Variants in NRXN3 observed in about 807,000 individuals in gnomAD.
NRXN3 encodes neurexin 3, also known as neurexin III.
In NRXN3, 32 loss-of-function variants were observed where a neutral mutation model predicts 137.6. That is an observed-to-expected ratio of 0.23 (90% CI 0.18 to 0.31). The LOEUF is 0.31. Ranked by LOEUF, NRXN3 falls within the 10% of genes least tolerant of loss-of-function variation. The pLI is 1.00. For synonymous variants in NRXN3, 798 were observed against 784.5 expected (o/e 1.02, Z -0.29); for missense variants, 1,574 against 2,062.5 (o/e 0.76, Z 4.59).
intron 5 of NRXN3, among the ~76,000 whole-genome samples, 179 bp downstream of exon 5, chr14:78,645,600 C>T (rs557083278): frequency 6.6e-6 from 1 of 151,574 alleles, no homozygotes; most frequent in South Asian, 2.1e-4. Flanking sequence ...AAATATGTTT[C>T]TCCACATACT....
chr14:78,947,540 A>G (rs557129393), intron 10 of NRXN3, among the ~76,000 whole-genome samples: 1 of 152,354 alleles, frequency 6.6e-6, no homozygotes, highest in East Asian at 1.9e-4. Context: ...ACTTGAATAG[A>G]CTTACGCTAT....
chr14:78,861,710 T>G (rs766081452), intron 10 of NRXN3, among the ~76,000 whole-genome samples: 14 of 152,164 alleles, frequency 9.2e-5, no homozygotes, highest in Non-Finnish European at 1.8e-4. Context: ...GAGTCTGTGA[T>G]GTATGTTTAG....
Position 79,704,355 on chromosome 14 carries a change from C to T in NRXN3, c.4014+6418C>T, listed in dbSNP as rs75045220. The stretch of plus-strand genomic sequence containing the variant: ...TGCACTGGGAGACAAGATAGATCCA[C>T]CTTATCCCCAAATACTGTGCTATAG... On this transcript the variant is annotated intron_variant, in intron 19 of 20. Coordinates refer to ENST00000335750, the MANE Select transcript of NRXN3 (RefSeq NM_001330195.2). 0.011 allele frequency among the ~76,000 whole-genome samples: 1,631 copies of T among 152,228 alleles called. 127 individuals carry two copies. In the East Asian group the frequency reaches 0.21, roughly 19 times the overall value.
intron 16 of NRXN3, among the ~76,000 whole-genome samples, chr14:79,561,229 T>A (rs2097493346): frequency 6.6e-6 from 1 of 152,138 alleles, no homozygotes. Context: ...CAACTCATAA[T>A]GCTATTCAAT....
At chr14:79,052,088 T>C (rs1404021425) in intron 15 of NRXN3, among the ~76,000 whole-genome samples, 1 of 152,216 alleles carries the variant, frequency 6.6e-6, no homozygotes, top group Non-Finnish European at 1.5e-5. Flanking sequence ...ATTTTGTTTT[T>C]GAGGAACATC....
intron 4 of NRXN3, among the ~76,000 whole-genome samples, chr14:78,595,360 A>T (rs1226109255): frequency 6.6e-6 from 1 of 152,196 alleles, no homozygotes; most frequent in Non-Finnish European, 1.5e-5. Flanking sequence ...CTCAGAGAGA[A>T]GCAGAGCTTG....
chr14:78,493,132 G>T, intron 4 of NRXN3, among the ~76,000 whole-genome samples: 1 of 152,106 alleles, frequency 6.6e-6, no homozygotes, highest in East Asian at 1.9e-4. Context: ...AGTTGCCAAC[G>T]TTCTTCTGGG....
At position 78,959,150 on chromosome 14, in the gene NRXN3, GGT is replaced by G. The variant is rs3838665; in HGVS notation, c.2395+1800_2395+1801del. 1.2e-4 allele frequency among the ~76,000 whole-genome samples: 19 copies of G among 152,168 alleles called. No individual in the cohort carries two copies. In the East Asian group the frequency reaches 3.7e-3, roughly 29 times the overall value. ...AGTAAGATATGTACGTGCATGTACA[GGT>G]GTGTGTGTGTAGAGAAGGATAGCCT... On this transcript the variant is annotated intron_variant, in intron 11 of 20. Transcript: ENST00000335750.
At chr14:79,396,447 A>G (rs2095029672) in intron 15 of NRXN3, among the ~76,000 whole-genome samples, 1 of 152,144 alleles carries the variant, frequency 6.6e-6, no homozygotes, top group African/African-American at 2.4e-5. Flanking sequence ...GAGCTTTTTA[A>G]AAACCTGAGT....
At chr14:79,650,810 A>T (rs901443495) in intron 16 of NRXN3, among the ~76,000 whole-genome samples, 8 of 152,166 alleles carry the variant, frequency 5.3e-5, no homozygotes, top group Non-Finnish European at 1.0e-4. Context: ...TACATGTTAA[A>T]ATTCTGAATT....
chr14:78,209,306 G>T (rs2062511411), intron 1 of NRXN3, among the ~76,000 whole-genome samples: 1 of 152,166 alleles, frequency 6.6e-6, no homozygotes, highest in Non-Finnish European at 1.5e-5. Context: ...AGGGCAGCCA[G>T]GGGTGGAGGA....
At chr14:78,943,245 A>G (rs920297400) in intron 10 of NRXN3, among the ~76,000 whole-genome samples, 8 of 152,128 alleles carry the variant, frequency 5.3e-5, no homozygotes, top group African/African-American at 1.9e-4. Flanking sequence ...GTCACTGAAG[A>G]TGGGAGTGGC....
At chr14:78,777,988 C>T (rs1189746553) in intron 8 of NRXN3, among the ~76,000 whole-genome samples, 4 of 152,136 alleles carry the variant, frequency 2.6e-5, no homozygotes, top group Non-Finnish European at 4.4e-5. Context: ...ATCTCAAACC[C>T]CTAGCCTCAA....
At chr14:78,675,785 T>G (rs1165449640) in intron 6 of NRXN3, among the ~76,000 whole-genome samples, 1 of 152,186 alleles carries the variant, frequency 6.6e-6, no homozygotes, top group Non-Finnish European at 1.5e-5. Flanking sequence ...CTTCTTGCAC[T>G]TTTGAGTTAT....
At chr14:78,757,920 T>C (rs1426578610) in intron 8 of NRXN3, among the ~76,000 whole-genome samples, 2 of 152,198 alleles carry the variant, frequency 1.3e-5, no homozygotes, top group African/African-American at 4.8e-5. Context: ...AATAAAATGT[T>C]TATTTTTAAA....
intron 15 of NRXN3, among the ~76,000 whole-genome samples, chr14:78,994,048 G>T (rs369591360): frequency 6.6e-6 from 1 of 151,588 alleles, no homozygotes; most frequent in East Asian, 1.9e-4. Context: ...TAGAGACGGG[G>T]TTTCACCTTG....
intron 10 of NRXN3, among the ~76,000 whole-genome samples, chr14:78,845,890 G>GT (rs2099025235): frequency 6.6e-6 from 1 of 150,588 alleles, no homozygotes; most frequent in Admixed American, 6.6e-5. Flanking sequence ...TTTCAGGACA[G>GT]TATGAGTATG....
intron 19 of NRXN3, among the ~76,000 whole-genome samples, chr14:79,801,391 T>A (rs191333712): frequency 6.6e-6 from 1 of 152,304 alleles, no homozygotes; most frequent in Non-Finnish European, 1.5e-5. Flanking sequence ...GTGGGGTAAA[T>A]CGTAACAAAT....
intron 4 of NRXN3, among the ~76,000 whole-genome samples, chr14:78,429,098 CAG>C (rs1468016035): frequency 1.3e-5 from 2 of 151,946 alleles, no homozygotes; most frequent in Admixed American, 1.3e-4. Context: ...TTTTTTGAGA[CAG>C]AGTCTTGCTC....
Sources: allele counts gnomAD v4.1 joint callset (sites outside exome capture counted in the v4.1 genomes callset), GRCh38; gene constraint gnomAD v4.1.1; transcripts MANE v1.5; gene names NCBI Gene and HGNC (gene_info 2026-07-23, HGNC 2026-07-21).